The following CDH12 variants were observed in gnomAD, a reference collection of about 807,000 sequenced individuals.
The protein encoded by CDH12 is cadherin-12.
CDH12 carries 41 observed loss-of-function variants against 74.1 expected under a neutral mutation model. The observed-to-expected ratio is 0.55, with a 90% CI of 0.43 to 0.72. CDH12 has a LOEUF of 0.72. Among genes scored for constraint, CDH12 ranks in the 30% least tolerant of loss-of-function variants. The probability of loss-of-function intolerance (pLI) is 0.00; values close to 1 mark genes in which losing one functional copy is unlikely to be tolerated. For missense variants in CDH12, 945 were observed against 977.2 expected (o/e 0.97, Z 0.44); for synonymous variants, 399 against 355.0 (o/e 1.12, Z -1.39).
At chr5:22,592,166 T>C (rs1226528001) in intron 1 of CDH12, among the ~76,000 whole-genome samples, 3 of 152,332 alleles carry the variant, frequency 2.0e-5, no homozygotes, top group East Asian at 3.9e-4. Context: ...GGAAACTTAG[T>C]TACATTTATG....
chr5:22,721,109 A>T (rs1743859076), intron 1 of CDH12, among the ~76,000 whole-genome samples: 1 of 152,226 alleles, frequency 6.6e-6, no homozygotes. Flanking sequence ...TCCTCCCATC[A>T]CAGGCCTGAA....
intron 6 of CDH12, among the ~76,000 whole-genome samples, chr5:21,929,837 C>T (rs1754754300): frequency 1.3e-5 from 2 of 152,020 alleles, no homozygotes; most frequent in African/African-American, 4.8e-5. Flanking sequence ...TTTTGAAAGA[C>T]AAGAAAACTG....
intron 5 of CDH12, among the ~76,000 whole-genome samples, chr5:22,013,702 A>T (rs1200335911): frequency 2.0e-5 from 3 of 152,176 alleles, no homozygotes; most frequent in Admixed American, 2.0e-4. Flanking sequence ...AAGCAGTTTT[A>T]AAAACCCTGG....
chr5:22,319,731 T>A (rs548303562), intron 3 of CDH12, among the ~76,000 whole-genome samples: 31 of 152,248 alleles, frequency 2.0e-4, no homozygotes, highest in East Asian at 7.7e-4. Flanking sequence ...CAGGGGTATA[T>A]GAACTAGATG....
At chr5:22,400,684 ATTTTGCTGCCAATGAAATGCT>A (rs1742692840) in intron 3 of CDH12, among the ~76,000 whole-genome samples, 1 of 152,108 alleles carries the variant, frequency 6.6e-6, no homozygotes, top group African/African-American at 2.4e-5. Flanking sequence ...ATCATCATAT[ATTTTGCTGCCAATGAAATGCT>A]TTTTAGCCCC....
intron 3 of CDH12, among the ~76,000 whole-genome samples, chr5:22,331,296 T>G (rs1293654795): frequency 2.0e-5 from 3 of 152,182 alleles, no homozygotes; most frequent in Non-Finnish European, 4.4e-5. Context: ...CAGGGCTGAC[T>G]CAGCAGTCTC....
chr5:21,926,059 A>C (rs1754571854), intron 6 of CDH12, among the ~76,000 whole-genome samples: 1 of 152,226 alleles, frequency 6.6e-6, no homozygotes, highest in Middle Eastern at 3.4e-3. Flanking sequence ...AGAATCTTTC[A>C]TCTCACTTGA....
At position 22,410,993 on chromosome 5, in the gene CDH12, G is replaced by T. The variant is rs781573057; in HGVS notation, c.-427-5642C>A. On this transcript the variant is annotated intron_variant, in intron 2 of 14. Coordinates refer to ENST00000382254, the MANE Select transcript of CDH12 (RefSeq NM_004061.5). ...AAAAGTGAGTCTAGGATATGGAAAA[G>T]ATGGAATTTAGAGGAAAAAGAACAT... is the stretch of plus-strand genomic sequence containing the variant. 7.2e-5 allele frequency among the ~76,000 whole-genome samples: 11 copies of T among 151,976 alleles called. 1 individual carries two copies. Among genetic ancestry groups the T allele is most frequent in the Non-Finnish European group, 1.5e-4 (10 of 67,964 alleles).
intron 8 of CDH12, among the ~76,000 whole-genome samples, chr5:21,821,541 G>A (rs1748371841): frequency 6.6e-6 from 1 of 151,478 alleles, no homozygotes; most frequent in Non-Finnish European, 1.5e-5. Flanking sequence ...TTAAAAAAAA[G>A]GAAGTCAATG....
chr5:22,038,001 G>A (rs568955367), intron 5 of CDH12, among the ~76,000 whole-genome samples: 10 of 152,256 alleles, frequency 6.6e-5, no homozygotes, highest in African/African-American at 2.4e-4. Flanking sequence ...GTACTCAAAA[G>A]TAGAGACCAC....
chr5:22,726,768 C>G (rs1165100489), intron 1 of CDH12, among the ~76,000 whole-genome samples: 1 of 151,742 alleles, frequency 6.6e-6, no homozygotes, highest in Non-Finnish European at 1.5e-5. Context: ...CCTGAGTATT[C>G]TTAGAGAGCT....
intron 2 of CDH12, among the ~76,000 whole-genome samples, chr5:22,465,422 G>T (rs946820923): frequency 6.6e-6 from 1 of 152,094 alleles, no homozygotes; most frequent in Admixed American, 6.6e-5. Flanking sequence ...AATAGGGGAG[G>T]ATCCCTTGAG....
intron 1 of CDH12, among the ~76,000 whole-genome samples, chr5:22,639,561 G>A (rs913806294): frequency 6.6e-6 from 1 of 151,044 alleles, no homozygotes; most frequent in African/African-American, 2.4e-5. Flanking sequence ...TTGGAACCAA[G>A]AGGGACCCAG....
intron 1 of CDH12, among the ~76,000 whole-genome samples, chr5:22,641,425 G>T (rs767641146): frequency 3.3e-5 from 5 of 152,038 alleles, no homozygotes; most frequent in African/African-American, 4.8e-5. Context: ...GCCCCAAGTG[G>T]TTGATGGTGC....
chr5:21,925,002 T>C (rs1206920836), intron 6 of CDH12, among the ~76,000 whole-genome samples: 2 of 152,198 alleles, frequency 1.3e-5, no homozygotes, highest in Non-Finnish European at 2.9e-5. Context: ...AATTCAGATA[T>C]CATTTTTTTC....
chr5:22,282,239 A>T (rs920294103), intron 3 of CDH12, among the ~76,000 whole-genome samples: 2 of 152,200 alleles, frequency 1.3e-5, no homozygotes, highest in Non-Finnish European at 2.9e-5. Flanking sequence ...TAAAAATATT[A>T]ACTCAAGATG....
At chr5:22,109,372 G>A (rs938000628) in intron 4 of CDH12, among the ~76,000 whole-genome samples, 13 of 152,180 alleles carry the variant, frequency 8.5e-5, no homozygotes, top group Admixed American at 4.6e-4. Context: ...CCAAGTTCAG[G>A]AGTCCTCTGC....
At chr5:22,102,526 A>C (rs1258730330) in intron 4 of CDH12, among the ~76,000 whole-genome samples, 1 of 152,012 alleles carries the variant, frequency 6.6e-6, no homozygotes, top group East Asian at 1.9e-4. Flanking sequence ...AAAATTAGCT[A>C]GGCATGGTGG....
intron 1 of CDH12, among the ~76,000 whole-genome samples, chr5:22,773,915 C>A (rs1746950825): frequency 6.6e-6 from 1 of 152,060 alleles, no homozygotes; most frequent in Non-Finnish European, 1.5e-5. Flanking sequence ...CAGAGAAATG[C>A]AAATCAAAAC....
Sources: allele counts gnomAD v4.1 joint callset (sites outside exome capture counted in the v4.1 genomes callset), GRCh38; gene constraint gnomAD v4.1.1; transcripts MANE v1.5; gene names NCBI Gene and HGNC (gene_info 2026-07-23, HGNC 2026-07-21).